The following AKAP12 variants were observed in gnomAD, a reference collection of about 807,000 sequenced individuals.
AKAP12 encodes the protein A-kinase anchor protein 12.
A neutral mutation model predicts 79.9 loss-of-function variants in AKAP12; 32 were observed. The observed-to-expected ratio is 0.40, with a 90% CI of 0.30 to 0.54. The LOEUF (loss-of-function observed/expected upper bound fraction) is 0.54. AKAP12 is among the 20% of genes least tolerant of loss of function. The pLI, the probability that AKAP12 is intolerant of heterozygous loss-of-function variation, is 0.48. For missense variants in AKAP12, 2,074 were observed against 2,177.0 expected (o/e 0.95, Z 0.94); for synonymous variants, 808 against 857.0 (o/e 0.94, Z 1.00).
chr6:151,348,680 T>TGCCCCC, intron 3 of AKAP12, 31 bp from the exon 4 acceptor site: 2 of 355,202 alleles, frequency 5.6e-6, no homozygotes, highest in Non-Finnish European at 5.5e-6. Flanking sequence ...TTTTCTCTTC[T>TGCCCCC]CCCCACCCCC....
chr6:151,334,978 T>C (rs1582889535), intron 3 of AKAP12, among the ~76,000 whole-genome samples: 2 of 152,260 alleles, frequency 1.3e-5, no homozygotes, highest in African/African-American at 4.8e-5. Context: ...AATCAAGAGC[T>C]TTCTGGTTCA....
chr6:151,331,239 CTT>C lies in AKAP12; in HGVS notation c.320-17463_320-17462del, dbSNP rs5880926. ...TTGACTCCGTTAATATTCCATAGGA[CTT>C]TTTTTTTTAACCTTGAAGGGGCTTG... On this transcript the variant is annotated intron_variant, in intron 3 of 4. Coordinates refer to ENST00000402676, the MANE Select transcript of AKAP12 (RefSeq NM_005100.4). Among the ~76,000 whole-genome samples, 31 of 150,580 alleles carry C rather than the reference CTT, an allele frequency of 2.1e-4. 1 individual carries two copies. Among genetic ancestry groups the C allele is most frequent in the Admixed American group, 6.0e-4 (9 of 15,104 alleles).
intron 3 of AKAP12, chr6:151,324,401 T>C (rs1257186395): frequency 3.0e-6 from 3 of 985,234 alleles, no homozygotes; most frequent in Non-Finnish European, 3.6e-6. Context: ...TGGGCCCGAG[T>C]GTGGTGCATC....
At position 151,312,793 on chromosome 6, in the gene AKAP12, C is replaced by CAAAAAAAA. The variant is rs55685824; in HGVS notation, c.319+6901_319+6908dup. ...GGCTACAAGAGGGAGACTCTGTCTC[C>CAAAAAAAA]AAAAAAAAAAAAAAAAAAGAATCAT... On this transcript the variant is annotated intron_variant, in intron 3 of 4. Coordinates refer to ENST00000402676, the MANE Select transcript of AKAP12 (RefSeq NM_005100.4). 8.6e-3 allele frequency among the ~76,000 whole-genome samples: 628 copies of CAAAAAAAA among 72,794 alleles called. 16 individuals are homozygous for CAAAAAAAA. Among genetic ancestry groups the CAAAAAAAA allele is most frequent in the African/African-American group, 0.022 (398 of 18,030 alleles). 47.8% of individuals were successfully genotyped at this position (72,794 alleles called of 152,430 possible).
At chr6:151,261,374 A>G (rs1024369018) in intron 2 of AKAP12, among the ~76,000 whole-genome samples, 2 of 151,622 alleles carry the variant, frequency 1.3e-5, no homozygotes, top group Admixed American at 6.6e-5. Flanking sequence ...CCATCTAAAA[A>G]AAAACCCATA....
chr6:151,285,242 ACT>A (rs1776476416), intron 2 of AKAP12, among the ~76,000 whole-genome samples: 1 of 152,132 alleles, frequency 6.6e-6, no homozygotes, highest in South Asian at 2.1e-4. Context: ...AAAACTTTTC[ACT>A]CTCAGAACTA....
At position 151,322,119 on chromosome 6, in the gene AKAP12, A is replaced by G. The variant is rs538080502; in HGVS notation, c.319+16216A>G. On this transcript the variant is annotated intron_variant, in intron 3 of 4. Coordinates refer to ENST00000402676, the MANE Select transcript of AKAP12 (RefSeq NM_005100.4). ...GAGACGGGGTTTCATCATGTTGGCC[A>G]GGCTGGTCTCGAACTCCTGATCTCG... is the stretch of plus-strand genomic sequence containing the variant. 1.1e-4 allele frequency among the ~76,000 whole-genome samples: 17 copies of G among 152,052 alleles called. No homozygotes were observed. The East Asian group carries it at 2.1e-3, about 19-fold the overall frequency.
In AKAP12 at chr6:151,356,236, C is replaced by T. The variant is rs1778436656; in HGVS notation, c.*522C>T. ...TTATATAACCCACGAAAAACAGAGCCTCCTAGATGTAACATTCCTGATCAA... is the reference window on the plus strand; with the variant it reads ...TTATATAACCCACGAAAAACAGAGCTTCCTAGATGTAACATTCCTGATCAA... On this transcript the variant is annotated 3_prime_UTR_variant, in exon 5 of 5. Coordinates refer to ENST00000402676, the MANE Select transcript of AKAP12 (RefSeq NM_005100.4). The T allele has an allele frequency of 6.6e-6, 1 of 152,570 alleles. No individual in the cohort carries two copies. Among genetic ancestry groups the T allele is most frequent in the African/African-American group, 2.4e-5 (1 of 41,416 alleles). 9.5% of individuals were successfully genotyped at this position (152,570 alleles called of 1,614,324 possible). A position where few individuals can be genotyped will look rare whatever the true frequency, so the allele number is the denominator to read the frequency against.
At chr6:151,295,983 AC>A (rs1776715291) in intron 2 of AKAP12, among the ~76,000 whole-genome samples, 1 of 152,212 alleles carries the variant, frequency 6.6e-6, no homozygotes, top group Non-Finnish European at 1.5e-5. Flanking sequence ...CAGTAAGGGA[AC>A]TTTTTTGGCT....
chr6:151,334,724 C>T (rs910513968), intron 3 of AKAP12, among the ~76,000 whole-genome samples: 6 of 151,622 alleles, frequency 4.0e-5, no homozygotes, highest in Non-Finnish European at 7.4e-5. Flanking sequence ...CGGGTTCACG[C>T]CATTCTCCTG....
chr6:151,325,166 G>C (rs1443017554), intron 3 of AKAP12: 2 of 985,292 alleles, frequency 2.0e-6, no homozygotes, highest in Non-Finnish European at 1.2e-6. Flanking sequence ...GCAGTGCAAC[G>C]TGTGTGTATG....
rs1296191235 is a variant in AKAP12 at position 151,350,900 on chromosome 6, A to G, written c.2509A>G (p.Asn837Asp). 1.2e-6 allele frequency: 2 copies of G among 1,614,160 alleles called. No homozygotes were observed. The highest frequency in any genetic ancestry group is 3.3e-5 in the Admixed American group (2 of 60,024). The change falls in exon 4 of 5, where the codon AAC (asparagine) becomes GAC (aspartate). Residue 837 changes from asparagine (N) to aspartate (D), a missense_variant. Coordinates refer to ENST00000402676, the MANE Select transcript of AKAP12 (RefSeq NM_005100.4). This position sits in a 1 kb window ranked among gnomAD's most constrained non-coding sequence, Gnocchi z 4.8. ...TGAAGACGCAGGGCCAACAGGGGCC[A>G]ACGAAGATGACTCTGATGTCCCGGC... ...PVEDAGPTGA[N>D]EDDSDVPAVV...
chr6:151,289,129 A>G (rs375441107), intron 2 of AKAP12, among the ~76,000 whole-genome samples: 15 of 152,300 alleles, frequency 9.8e-5, no homozygotes, highest in African/African-American at 2.6e-4. Context: ...AAAATTTGCA[A>G]CAAATCCCAA....
intron 2 of AKAP12, among the ~76,000 whole-genome samples, chr6:151,249,667 C>T (rs1436285475): frequency 6.6e-6 from 1 of 152,190 alleles, no homozygotes; most frequent in Non-Finnish European, 1.5e-5. Context: ...ACCTATTGCT[C>T]CAGTACCATT....
At chr6:151,248,701 G>A (rs1192915986) in intron 2 of AKAP12, among the ~76,000 whole-genome samples, 1 of 152,082 alleles carries the variant, frequency 6.6e-6, no homozygotes, top group Non-Finnish European at 1.5e-5. Context: ...TTAAAAAGTG[G>A]GTTGCTGGCC....
rs373485970 is a variant in AKAP12, at chr6:151,337,325, T to C, written c.320-11386T>C. Among the ~76,000 whole-genome samples, 8 of 151,642 alleles carry C rather than the reference T, an allele frequency of 5.3e-5. No individual in the cohort carries two copies. The East Asian group carries it at 1.4e-3, about 26-fold the overall frequency. On this transcript the variant is annotated intron_variant, in intron 3 of 4. Transcript: ENST00000402676. ...TTCGAGACCAGTCTCTACAGTTTAG[T>C]AGAGATGTGGAAACCCCGTCTCTAC...
intron 3 of AKAP12, chr6:151,343,855 AC>A: frequency 2.4e-6 from 1 of 409,928 alleles, no homozygotes; most frequent in Non-Finnish European, 4.6e-6. Context: ...TTAACTATAA[AC>A]AAATTCATCA....
chr6:151,319,461 CT>C (rs1562736429), intron 3 of AKAP12, among the ~76,000 whole-genome samples: 10 of 142,408 alleles, frequency 7.0e-5, no homozygotes, highest in African/African-American at 2.7e-4. Flanking sequence ...ATCTATCTAT[CT>C]ATCTATCTAT....
chr6:151,304,019 G>A (rs543964315), intron 2 of AKAP12, among the ~76,000 whole-genome samples: 4 of 152,144 alleles, frequency 2.6e-5, no homozygotes, highest in Non-Finnish European at 4.4e-5. Flanking sequence ...TTTGAGTCCC[G>A]GTGTCATTAT....
Sources: gnomAD v4.1 joint callset for allele counts (sites outside exome capture counted in the v4.1 genomes callset) on GRCh38, gnomAD v4.1.1 for gene constraint, Gnocchi (gnomAD v3.1) non-coding constraint, MANE v1.5 for transcripts, NCBI Gene and HGNC (gene_info 2026-07-23, HGNC 2026-07-21) for gene names.